The following PCDH15 variants were observed in gnomAD, a reference collection of about 807,000 sequenced individuals.
The protein encoded by PCDH15 is protocadherin-15.
A neutral mutation model predicts 178.5 loss-of-function variants in PCDH15; 129 were observed. That is an observed-to-expected ratio of 0.72 (90% CI 0.63 to 0.84). The LOEUF is 0.84. PCDH15 is among the 40% of genes least tolerant of loss of function. The pLI is 0.00. For missense variants in PCDH15, 2,230 were observed against 2,099.9 expected (o/e 1.06, Z -1.21); for synonymous variants, 800 against 732.0 (o/e 1.09, Z -1.50).
chr10:54,229,168 A>G (rs2053789705), intron 9 of PCDH15, among the ~76,000 whole-genome samples: 1 of 152,226 alleles, frequency 6.6e-6, no homozygotes, highest in Admixed American at 6.5e-5. Context: ...CTGCTAAAAC[A>G]GCTTAATCAG....
At chr10:53,914,810 A>G (rs896719929) in intron 25 of PCDH15, among the ~76,000 whole-genome samples, 2 of 152,218 alleles carry the variant, frequency 1.3e-5, no homozygotes, top group Admixed American at 1.3e-4. Context: ...AAAGCAATCT[A>G]TTACAAACAA....
chr10:54,350,495 G>C (rs1231104982), intron 5 of PCDH15, among the ~76,000 whole-genome samples: 1 of 152,134 alleles, frequency 6.6e-6, no homozygotes, highest in Non-Finnish European at 1.5e-5. Context: ...TTCATGATTT[G>C]TTCAAATGGT....
At chr10:54,698,456 C>A (rs1284118775) in intron 1 of PCDH15, among the ~76,000 whole-genome samples, 1 of 152,136 alleles carries the variant, frequency 6.6e-6, no homozygotes, top group Non-Finnish European at 1.5e-5. Context: ...CCGAGGGTGT[C>A]TGTTGCTGAG....
chr10:55,451,147 T>C (rs1839427080), intron 2 of PCDH15, among the ~76,000 whole-genome samples: 1 of 151,874 alleles, frequency 6.6e-6, no homozygotes, highest in Admixed American at 6.6e-5. Flanking sequence ...CCCATGCTCT[T>C]TTCATTATGC....
At chr10:54,513,214 G>A (rs1366652235) in intron 3 of PCDH15, among the ~76,000 whole-genome samples, 1 of 150,594 alleles carries the variant, frequency 6.6e-6, no homozygotes, top group Non-Finnish European at 1.5e-5. Context: ...CTTTGATTTG[G>A]CCAAATATTC....
At chr10:55,276,980 T>G (rs561029385) in intron 1 of PCDH15, among the ~76,000 whole-genome samples, 19 of 152,156 alleles carry the variant, frequency 1.2e-4, no homozygotes, top group Admixed American at 1.1e-3. Flanking sequence ...TTTAAAGCTT[T>G]CTTTCTTGAG....
At chr10:54,148,491 G>A (rs1819152716) in intron 14 of PCDH15, among the ~76,000 whole-genome samples, 1 of 151,896 alleles carries the variant, frequency 6.6e-6, no homozygotes, top group Admixed American at 6.6e-5. Context: ...GACAAAAAAA[G>A]TCTGCGCATG....
At chr10:54,049,533 G>A (rs965369524) in intron 18 of PCDH15, among the ~76,000 whole-genome samples, 2 of 152,054 alleles carry the variant, frequency 1.3e-5, no homozygotes, top group Non-Finnish European at 2.9e-5. Flanking sequence ...TTATTTTGAA[G>A]TATTTTCTTT....
At chr10:54,169,891 A>C (rs1214658644) in intron 13 of PCDH15, among the ~76,000 whole-genome samples, 1 of 151,164 alleles carries the variant, frequency 6.6e-6, no homozygotes, top group African/African-American at 2.4e-5. Flanking sequence ...TTAGTTCAGA[A>C]TCTGCGCCTT....
intron 2 of PCDH15, among the ~76,000 whole-genome samples, chr10:54,618,787 A>T (rs1421677547): frequency 6.6e-6 from 1 of 152,082 alleles, no homozygotes; most frequent in African/African-American, 2.4e-5. Flanking sequence ...TGCCTTAACA[A>T]ACTAATAAAT....
intron 13 of PCDH15, 148 bp downstream of exon 13, chr10:54,183,296 A>C (rs2048175024): frequency 2.4e-6 from 2 of 832,936 alleles, no homozygotes; most frequent in African/African-American, 1.7e-5. Context: ...GAAAAGTAAC[A>C]GAAATTTAAA....
chr10:55,342,541 C>T (rs1844632899), intron 2 of PCDH15, among the ~76,000 whole-genome samples: 1 of 151,978 alleles, frequency 6.6e-6, no homozygotes, highest in Non-Finnish European at 1.5e-5. Context: ...AACTCCTGGG[C>T]TCAAGCAATC....
At chr10:54,807,655 CTACA>C (rs983373865) in intron 3 of PCDH15, among the ~76,000 whole-genome samples, 51 of 149,196 alleles carry the variant, frequency 3.4e-4, no homozygotes, top group Admixed American at 9.4e-4. Context: ...AAAACTATTA[CTACA>C]TACAAGGTTT....
intron 1 of PCDH15, among the ~76,000 whole-genome samples, chr10:54,773,458 T>C (rs1040093708): frequency 6.6e-6 from 1 of 152,232 alleles, no homozygotes; most frequent in Non-Finnish European, 1.5e-5. Context: ...CTAGCATTGA[T>C]GTCATTGAGA....
intron 3 of PCDH15, among the ~76,000 whole-genome samples, chr10:54,881,688 A>G (rs1200695337): frequency 6.6e-6 from 1 of 152,126 alleles, no homozygotes; most frequent in Non-Finnish European, 1.5e-5. Context: ...TGTACCTGGT[A>G]TCTATTCAAT....
At chr10:55,348,499 C>T (rs1013711206) in intron 2 of PCDH15, among the ~76,000 whole-genome samples, 10 of 152,094 alleles carry the variant, frequency 6.6e-5, no homozygotes, top group Admixed American at 5.2e-4. Context: ...GTGAAGAAAA[C>T]AAACCCCTGC....
Position 54,420,393 on chromosome 10 carries a change from G to A in PCDH15, c.158-41451C>T, listed in dbSNP as rs1955084390. On this transcript the variant is annotated intron_variant, in intron 3 of 37. Coordinates refer to ENST00000644397, the MANE Select transcript of PCDH15 (RefSeq NM_001384140.1). The stretch of plus-strand genomic sequence containing the variant: ...AAAGATGTTTCCAGAAAAAGAGCTA[G>A]TATAAATGTCCTTAAGCAAGACGGA... Among the ~76,000 whole-genome samples, 3 of 152,064 alleles carry A rather than the reference G, an allele frequency of 2.0e-5. No homozygotes were observed. In the South Asian group the frequency reaches 6.2e-4, roughly 31 times the overall value.
chr10:55,525,566 G>C (rs1452375519), intron 2 of PCDH15, among the ~76,000 whole-genome samples: 1 of 151,838 alleles, frequency 6.6e-6, no homozygotes, highest in South Asian at 2.1e-4. Context: ...TGCTTATAAG[G>C]AAGTCTACTT....
chr10:54,909,413 G>A (rs988601314), intron 2 of PCDH15, among the ~76,000 whole-genome samples: 10 of 152,084 alleles, frequency 6.6e-5, no homozygotes, highest in African/African-American at 2.4e-4. Flanking sequence ...CCAAAGTCTC[G>A]AGGAGGCCAA....
Sources: gnomAD v4.1 joint callset for allele counts (sites outside exome capture counted in the v4.1 genomes callset) on GRCh38, gnomAD v4.1.1 for gene constraint, MANE v1.5 for transcripts, NCBI Gene and HGNC (gene_info 2026-07-23, HGNC 2026-07-21) for gene names.